UBAP2: variants seen among roughly 807,000 people sequenced by gnomAD.
UBAP2 encodes the protein ubiquitin associated protein 2.
A neutral mutation model predicts 139.6 loss-of-function variants in UBAP2; 75 were observed. The ratio of observed to expected loss-of-function variants is 0.54; its 90% CI spans 0.45 to 0.65. The LOEUF (loss-of-function observed/expected upper bound fraction) is 0.65. Ranked by LOEUF, UBAP2 falls within the 30% of genes least tolerant of loss-of-function variation. UBAP2 has a pLI of 0.00. For synonymous variants in UBAP2, 526 were observed against 526.2 expected (o/e 1.00, Z 0.01); for missense variants, 1,368 against 1,369.6 (o/e 1.00, Z 0.02).
At chr9:33,996,410 C>A in intron 3 of UBAP2, 77 bp from the exon 4 acceptor site, 5 of 933,116 alleles carry the variant, frequency 5.4e-6, no homozygotes, top group South Asian at 4.1e-5. Flanking sequence ...TATACAAATA[C>A]AGAATTACAT....
At chr9:34,028,454 A>C (rs1825607768) in intron 1 of UBAP2, among the ~76,000 whole-genome samples, 1 of 151,812 alleles carries the variant, frequency 6.6e-6, no homozygotes, top group Non-Finnish European at 1.5e-5. Context: ...ACACTGGCTC[A>C]CTGCAACCTC....
At chr9:33,997,251 A>T (rs184514684) in intron 3 of UBAP2, 40 of 152,318 alleles carry the variant, frequency 2.6e-4, no homozygotes, top group Admixed American at 2.6e-3. Flanking sequence ...TAGCATTTTC[A>T]TCACTAGAAC....
chr9:34,001,119 T>C (rs1042414371), intron 2 of UBAP2, among the ~76,000 whole-genome samples: 10 of 152,154 alleles, frequency 6.6e-5, no homozygotes, highest in Non-Finnish European at 1.3e-4. Flanking sequence ...AAGGGAGAGA[T>C]GGGTTTTTAA....
intron 2 of UBAP2, among the ~76,000 whole-genome samples, chr9:34,002,477 A>G (rs1034742312): frequency 2.7e-5 from 4 of 149,988 alleles, no homozygotes; most frequent in African/African-American, 9.9e-5. Context: ...TCCCAGGTTC[A>G]AGCGATTCTC....
At chr9:34,002,145 G>A (rs983295324) in intron 2 of UBAP2, among the ~76,000 whole-genome samples, 2 of 151,428 alleles carry the variant, frequency 1.3e-5, no homozygotes, top group African/African-American at 4.9e-5. Context: ...ATAAAGACAA[G>A]GTCTCACTGT....
intron 2 of UBAP2, among the ~76,000 whole-genome samples, chr9:34,001,189 G>C (rs1261531538): frequency 2.0e-5 from 3 of 152,164 alleles, no homozygotes; most frequent in Non-Finnish European, 4.4e-5. Flanking sequence ...GTTATGAACT[G>C]TTAAAGTCAA....
chr9:33,985,191 T>C (rs1391818811), intron 6 of UBAP2, among the ~76,000 whole-genome samples: 2 of 152,226 alleles, frequency 1.3e-5, no homozygotes, highest in Non-Finnish European at 2.9e-5. Context: ...CTATTTTTTT[T>C]TAATTTTTAA....
At chr9:33,943,693 G>A in intron 14 of UBAP2, 104 bp from the exon 15 acceptor site, 2 of 1,018,720 alleles carry the variant, frequency 2.0e-6, no homozygotes, top group Admixed American at 2.4e-5. Flanking sequence ...GGCAATACTG[G>A]CAAGAAGAAG....
intron 6 of UBAP2, among the ~76,000 whole-genome samples, chr9:33,982,044 A>G (rs1008765814): frequency 6.6e-6 from 1 of 152,132 alleles, no homozygotes; most frequent in African/African-American, 2.4e-5. Flanking sequence ...TCCTTCCCCT[A>G]TGATCATCAC....
intron 5 of UBAP2, among the ~76,000 whole-genome samples, chr9:33,988,146 A>G (rs1821369695): frequency 6.6e-6 from 1 of 152,126 alleles, no homozygotes; most frequent in South Asian, 2.1e-4. Context: ...AACATCATTA[A>G]AATATATTAA....
At chr9:34,013,961 C>T (rs1399425918) in intron 2 of UBAP2, among the ~76,000 whole-genome samples, 1 of 151,828 alleles carries the variant, frequency 6.6e-6, no homozygotes, top group Non-Finnish European at 1.5e-5. Flanking sequence ...CAAATACTTC[C>T]CAGAATAGGA....
At chr9:33,928,157 T>C in intron 19 of UBAP2, 165 bp from the exon 20 acceptor site, 1 of 639,834 alleles carries the variant, frequency 1.6e-6, no homozygotes, top group Non-Finnish European at 2.6e-6. Context: ...CAGTGCTCAC[T>C]GCGGCCCCTC....
At position 33,925,310 on chromosome 9, in the gene UBAP2, C is replaced by T. The variant is rs372502910; in HGVS notation, c.2512-1026G>A. Among the ~76,000 whole-genome samples the T allele has an allele frequency of 1.3e-4, 20 of 152,290 alleles. 1 individual carries two copies. The South Asian group carries it at 4.2e-3, about 32-fold the overall frequency. ...AGAGCTGGGAACACACAGAGCTGCACAACTGAGGACGGGAGCAGAGAAAGC... is the reference window on the plus strand; with the variant it reads ...AGAGCTGGGAACACACAGAGCTGCATAACTGAGGACGGGAGCAGAGAAAGC... On this transcript the variant is annotated intron_variant, in intron 22 of 28. Transcript: ENST00000379238.
chr9:34,025,859 C>G (rs539129592), intron 1 of UBAP2, among the ~76,000 whole-genome samples: 1 of 152,234 alleles, frequency 6.6e-6, no homozygotes, highest in Admixed American at 6.6e-5. Context: ...GGATTACAGG[C>G]CTGAGCTACC....
chr9:33,987,343 C>T (rs1437439629), intron 5 of UBAP2, among the ~76,000 whole-genome samples: 5 of 151,256 alleles, frequency 3.3e-5, no homozygotes, highest in African/African-American at 9.7e-5. Context: ...ACCCAACAGG[C>T]GGAGGTTGCA....
intron 9 of UBAP2, among the ~76,000 whole-genome samples, chr9:33,962,669 TAAATAAA>T (rs1827148768): frequency 1.4e-5 from 2 of 139,732 alleles, no homozygotes; most frequent in Admixed American, 7.5e-5. Flanking sequence ...AATAAATAAA[TAAATAAA>T]TAAATAATTA....
At chr9:33,978,616 T>G (rs1820365732) in intron 6 of UBAP2, among the ~76,000 whole-genome samples, 1 of 151,800 alleles carries the variant, frequency 6.6e-6, no homozygotes, top group Admixed American at 6.6e-5. Context: ...CCATCTCTAC[T>G]AAAAATACAA....
chr9:33,931,480 C>G (rs1823976110), intron 19 of UBAP2, among the ~76,000 whole-genome samples: 2 of 152,208 alleles, frequency 1.3e-5, no homozygotes, highest in South Asian at 2.1e-4. Context: ...GCAGCAGTGG[C>G]ACGGACACAG....
intron 4 of UBAP2, among the ~76,000 whole-genome samples, chr9:33,992,655 C>CG (rs1821814855): frequency 7.8e-6 from 1 of 128,338 alleles, no homozygotes; most frequent in Admixed American, 8.0e-5. Flanking sequence ...ACTTATCGGG[C>CG]GGAGGGGGGG....
Sources: gnomAD v4.1 joint callset for allele counts (sites outside exome capture counted in the v4.1 genomes callset) on GRCh38, gnomAD v4.1.1 for gene constraint, MANE v1.5 for transcripts, NCBI Gene and HGNC (gene_info 2026-07-23, HGNC 2026-07-21) for gene names.